TGS1: variants seen among roughly 807,000 people sequenced by gnomAD.
The protein encoded by TGS1 is trimethylguanosine synthase.
In TGS1, 69 loss-of-function variants were observed where a neutral mutation model predicts 92.2. That is an observed-to-expected ratio of 0.75 (90% CI 0.62 to 0.91). TGS1 has a LOEUF of 0.91. TGS1 is among the 40% of genes least tolerant of loss of function. TGS1 has a pLI of 0.00. For synonymous variants in TGS1, 345 were observed against 338.1 expected, an observed-to-expected ratio of 1.02 and a Z score of -0.22; for missense variants, 1,062 against 1,001.2, an observed-to-expected ratio of 1.06 and a Z score of -0.82.
chr8:55,809,604 A>G (rs905831302), intron 10 of TGS1, among the ~76,000 whole-genome samples: 9 of 152,234 alleles, frequency 5.9e-5, no homozygotes, highest in African/African-American at 2.2e-4. Flanking sequence ...CTGCTGGCAC[A>G]TGCCACCCCA....
intron 1 of TGS1, among the ~76,000 whole-genome samples, chr8:55,780,343 T>A (rs1811529476): frequency 6.6e-6 from 1 of 151,958 alleles, no homozygotes; most frequent in Admixed American, 6.6e-5. Flanking sequence ...CTAATTTTTT[T>A]TGTTTTTTCT....
At chr8:55,809,182 G>T (rs1247455925) in intron 10 of TGS1, among the ~76,000 whole-genome samples, 3 of 152,116 alleles carry the variant, frequency 2.0e-5, no homozygotes, top group African/African-American at 7.2e-5. Context: ...ATTCCTTTGT[G>T]CCAGATTTAT....
intron 12 of TGS1, among the ~76,000 whole-genome samples, chr8:55,816,470 A>C (rs1426807437): frequency 6.6e-6 from 1 of 152,206 alleles, no homozygotes; most frequent in African/African-American, 2.4e-5. Context: ...GCAGCTTCTC[A>C]TCCTTGTTTA....
intron 12 of TGS1, among the ~76,000 whole-genome samples, chr8:55,813,374 A>G (rs1803388452): frequency 6.6e-6 from 1 of 152,220 alleles, no homozygotes. Context: ...GGATGATTGA[A>G]TGTGTTGTGC....
chr8:55,798,884 C>T (rs1812131627), intron 7 of TGS1, 30 bp from the exon 8 acceptor site: 1 of 1,524,370 alleles, frequency 6.6e-7, no homozygotes, highest in Middle Eastern at 1.8e-4. Flanking sequence ...GGAATTAATT[C>T]CTGCTCATGA....
At position 55,798,043 on chromosome 8, in the gene TGS1, G is replaced by A. The variant is rs112486238; in HGVS notation, c.1543-871G>A. 1.3e-4 allele frequency among the ~76,000 whole-genome samples: 20 copies of A among 152,286 alleles called. 2 individuals are homozygous for A. The highest frequency in any genetic ancestry group is 3.3e-4 in the Admixed American group (5 of 15,298). On this transcript the variant is annotated intron_variant, in intron 7 of 12. Transcript: ENST00000260129. Reference sequence around the variant, plus strand: ...TCCAGTCAGTGCCATAGGACTTTCCGTAATGTGTTGGATATAATAGCCCCT... The same window carrying A: ...TCCAGTCAGTGCCATAGGACTTTCCATAATGTGTTGGATATAATAGCCCCT...
chr8:55,785,709 G>A lies in TGS1; in HGVS notation c.167-10G>A. Reference sequence around the variant, plus strand: ...TTCCTTAAAACTAAGCTAATAAATGGTGTCTATAGGAGACCAGGCGACAGA... The same window carrying A: ...TTCCTTAAAACTAAGCTAATAAATGATGTCTATAGGAGACCAGGCGACAGA... On this transcript the variant is annotated splice_polypyrimidine_tract_variant and intron_variant, in intron 2 of 12. Coordinates refer to ENST00000260129, the MANE Select transcript of TGS1 (RefSeq NM_024831.8). 1.3e-6 allele frequency: 2 copies of A among 1,514,474 alleles called. No individual in the cohort carries two copies. The highest frequency in any genetic ancestry group is 2.4e-5 in the East Asian group (1 of 41,626). The allele number at this position is 1,514,474 out of a possible 1,614,324, so 93.8% of individuals were successfully genotyped here. A position where few individuals can be genotyped will look rare whatever the true frequency, so the allele number is the denominator to read the frequency against.
In TGS1 at chr8:55,811,370, G is replaced by A. The variant is rs746008395; in HGVS notation, c.2360+273G>A. Among the ~76,000 whole-genome samples the A allele has an allele frequency of 4.6e-4, 70 of 152,116 alleles. 1 individual carries two copies. The highest frequency in any genetic ancestry group is 1.9e-4 in the East Asian group (1 of 5,194). ...CCAGCTACTCGGGAGGCCGAAGCAC[G>A]AGAATCACTTGAACCCAGGAGGCAG... is the stretch of plus-strand genomic sequence containing the variant. On this transcript the variant is annotated intron_variant, in intron 11 of 12. Transcript: ENST00000260129.
At chr8:55,793,750 A>ATTTG (rs1168426047) in intron 6 of TGS1, among the ~76,000 whole-genome samples, 27 of 143,326 alleles carry the variant, frequency 1.9e-4, no homozygotes, top group African/African-American at 7.7e-4. Flanking sequence ...TTATTTATTT[A>ATTTG]TTTATTTATT....
At position 55,812,057 on chromosome 8, in the gene TGS1, A is replaced by C. The variant is rs1803354724; in HGVS notation, c.2360+960A>C. Among the ~76,000 whole-genome samples, 7 of 152,162 alleles carry C rather than the reference A, an allele frequency of 4.6e-5. No homozygotes were observed. The South Asian group carries it at 1.4e-3, about 31-fold the overall frequency. On this transcript the variant is annotated intron_variant, in intron 11 of 12. Transcript: ENST00000260129. ...TTCTGTAACTCTTCAATTCACACTG[A>C]TGCTGGCTAATTTGCTGTGTATCTT... is the stretch of plus-strand genomic sequence containing the variant.
At chr8:55,793,334 A>G (rs1334506363) in intron 6 of TGS1, among the ~76,000 whole-genome samples, 1 of 152,182 alleles carries the variant, frequency 6.6e-6, no homozygotes, top group African/African-American at 2.4e-5. Flanking sequence ...TCTACAACAC[A>G]TTTAAAAATT....
At chr8:55,789,455 G>A (rs1305195679) in intron 4 of TGS1, among the ~76,000 whole-genome samples, 1 of 152,152 alleles carries the variant, frequency 6.6e-6, no homozygotes, top group Non-Finnish European at 1.5e-5. Flanking sequence ...ATAAGAATGT[G>A]ACTGCTAACA....
At chr8:55,804,584 G>T (rs1218864154) in intron 9 of TGS1, among the ~76,000 whole-genome samples, 1 of 152,176 alleles carries the variant, frequency 6.6e-6, no homozygotes, top group Non-Finnish European at 1.5e-5. Context: ...TTCCACAGGA[G>T]TCAGTAGTTA....
chr8:55,810,976 G>A lies in TGS1; in HGVS notation c.2239G>A (p.Asp747Asn). ...AGATAAGATAGAGTTCATCTGTGGA[G>A]ATTTCTTGCTGCTGGCTTCTTTTTT... ...IADKIEFICG[D>N]FLLLASFLKA... is the part of the protein sequence containing the mutation. Residue 747 changes from aspartate to asparagine, a missense_variant, in exon 11 of 13, where the codon GAT becomes AAT. By Grantham distance (23) the Asp-to-Asn change is conservative. Transcript: ENST00000260129. 1 of 1,614,180 alleles carries A rather than the reference G, an allele frequency of 6.2e-7. No homozygotes were observed. The highest frequency in any genetic ancestry group is 1.1e-5 in the South Asian group (1 of 91,084).
rs566111083 is a variant in TGS1 at position 55,809,251 on chromosome 8, T to G, written c.2144-1630T>G. ...AAAGGGTTAGGGAATCTGTAAAGTT[T>G]TGCATATTGCTGTTGTTAAAGATAT... On this transcript the variant is annotated intron_variant, in intron 10 of 12. Transcript: ENST00000260129. 1.2e-4 allele frequency among the ~76,000 whole-genome samples: 18 copies of G among 152,338 alleles called. 1 individual carries two copies. Among genetic ancestry groups the G allele is most frequent in the Non-Finnish European group, 2.2e-4 (15 of 68,034 alleles).
At chr8:55,818,246 C>G (rs958451100) in intron 12 of TGS1, among the ~76,000 whole-genome samples, 1 of 152,176 alleles carries the variant, frequency 6.6e-6, no homozygotes, top group African/African-American at 2.4e-5. Context: ...GGTGTGATCA[C>G]TGCTCTCTGC....
Position 55,799,124 on chromosome 8 carries a change from G to A in TGS1, c.1753G>A (p.Glu585Lys), listed in dbSNP as rs150060745. The A allele has an allele frequency of 3.7e-6, 6 of 1,614,194 alleles. No homozygotes were observed. The African/African-American group carries it at 6.7e-5, about 18-fold the overall frequency. Residue 585 changes from glutamate to lysine, a missense_variant, in exon 8 of 13, where the codon GAA (glutamate) becomes AAA (lysine). By Grantham distance (56) the Glu-to-Lys change is moderately conservative. Coordinates refer to ENST00000260129, the MANE Select transcript of TGS1 (RefSeq NM_024831.8). ...SVSSAGELET[E>K]NYERDSLLAT... is the part of the protein sequence containing the mutation. ...ATCTTCAGCTGGTGAACTTGAAACAGAAAACTATGAAAGAGACAGCTTGCT... is the reference window on the plus strand; with the variant it reads ...ATCTTCAGCTGGTGAACTTGAAACAAAAAACTATGAAAGAGACAGCTTGCT...
At chr8:55,782,169 T>TA (rs1811584938) in intron 1 of TGS1, among the ~76,000 whole-genome samples, 1 of 146,582 alleles carries the variant, frequency 6.8e-6, no homozygotes, top group Admixed American at 6.7e-5. Context: ...TTTATTTATT[T>TA]ATTTATTTAT....
chr8:55,792,802 C>T lies in TGS1; in HGVS notation c.1367+18C>T. ...GGACAAAAGTAATTATTCATAAAAG[C>T]TATTGTTTTCCAGAAGTCCTAACCA... is the stretch of plus-strand genomic sequence containing the variant. On this transcript the variant is annotated intron_variant, in intron 6 of 12. Transcript: ENST00000260129. The T allele has an allele frequency of 6.3e-7, 1 of 1,576,714 alleles. No individual in the cohort carries two copies. Among genetic ancestry groups the T allele is most frequent in the African/African-American group, 1.3e-5 (1 of 74,312 alleles).
Sources: gnomAD v4.1 joint callset for allele counts (sites outside exome capture counted in the v4.1 genomes callset) on GRCh38, gnomAD v4.1.1 for gene constraint, MANE v1.5 for transcripts, NCBI Gene and HGNC (gene_info 2026-07-23, HGNC 2026-07-21) for gene names.